The following KCNN2 variants were observed in gnomAD, a reference collection of about 807,000 sequenced individuals.
KCNN2 encodes potassium calcium-activated channel subfamily N member 2.
KCNN2 carries 24 observed loss-of-function variants against 55.5 expected under a neutral mutation model. The ratio of observed to expected loss-of-function variants is 0.43; its 90% CI spans 0.31 to 0.61. The LOEUF is 0.61. Ranked by LOEUF, KCNN2 falls within the 20% of genes least tolerant of loss-of-function variation. The pLI is 0.08. For missense variants in KCNN2, 754 were observed against 853.6 expected (o/e 0.88, Z 1.45); for synonymous variants, 431 against 336.1 (o/e 1.28, Z -3.09).
chr5:114,433,007 C>T lies in KCNN2; in HGVS notation c.1637+28151C>T, dbSNP rs188978293. ...GTGCGGCCGGAGCCTCCCTGATGAG[C>T]GCCACCCCCTGCTCCACGGTGCCCA... On this transcript the variant is annotated intron_variant, in intron 3 of 7. Coordinates refer to ENST00000673685, the MANE Select transcript of KCNN2 (RefSeq NM_021614.4). Among the ~76,000 whole-genome samples, 210 of 152,242 alleles carry T rather than the reference C, an allele frequency of 1.4e-3. 3 individuals carry two copies. Among genetic ancestry groups the T allele is most frequent in the Admixed American group, 0.012 (185 of 15,304 alleles).
chr5:114,122,779 G>C (rs1366334831), intron 1 of KCNN2, among the ~76,000 whole-genome samples: 1 of 152,226 alleles, frequency 6.6e-6, no homozygotes, highest in Non-Finnish European at 1.5e-5. Flanking sequence ...GGGATAGAGA[G>C]AGCAGGAGAC....
intron 3 of KCNN2, among the ~76,000 whole-genome samples, chr5:114,450,312 A>G (rs552973522): frequency 2.0e-5 from 3 of 152,324 alleles, no homozygotes; most frequent in East Asian, 3.9e-4. Context: ...CTGGTCGAGC[A>G]TGGCTCCATC....
intron 1 of KCNN2, among the ~76,000 whole-genome samples, chr5:114,215,901 A>G (rs1455966595): frequency 6.6e-6 from 1 of 152,180 alleles, no homozygotes; most frequent in Non-Finnish European, 1.5e-5. Flanking sequence ...AGAGATAAAT[A>G]CATTCTAGTT....
At chr5:114,145,888 G>T (rs1372330512) in intron 1 of KCNN2, among the ~76,000 whole-genome samples, 1 of 152,148 alleles carries the variant, frequency 6.6e-6, no homozygotes, top group Non-Finnish European at 1.5e-5. Flanking sequence ...TGGATTGTCT[G>T]TTGTAAAGGA....
At chr5:114,149,331 A>T (rs1752468222) in intron 1 of KCNN2, among the ~76,000 whole-genome samples, 1 of 152,124 alleles carries the variant, frequency 6.6e-6, no homozygotes. Flanking sequence ...CGAGGAACAA[A>T]GAAGGCCATA....
At chr5:114,359,029 A>C (rs1023480303), upstream of KCNN2, among the ~76,000 whole-genome samples, 1 of 152,210 alleles carries the variant, frequency 6.6e-6, no homozygotes, top group Non-Finnish European at 1.5e-5. Context: ...TCATAGTAAT[A>C]CAGGTTTACC....
chr5:114,394,020 G>A (rs1277413081), intron 2 of KCNN2, among the ~76,000 whole-genome samples: 2 of 152,090 alleles, frequency 1.3e-5, no homozygotes. Context: ...TGATATGACA[G>A]ATTTTATTCT....
At chr5:114,490,684 A>C (rs1747802424) in intron 6 of KCNN2, 1 of 398,032 alleles carries the variant, frequency 2.5e-6, no homozygotes, top group Admixed American at 4.4e-5. Context: ...CAACAAAATG[A>C]AAATAGAGCT....
At chr5:114,409,847 T>C (rs1389572558) in intron 3 of KCNN2, among the ~76,000 whole-genome samples, 2 of 152,208 alleles carry the variant, frequency 1.3e-5, no homozygotes, top group African/African-American at 4.8e-5. Context: ...CTGAAATTTT[T>C]TACCTGTAGG....
At chr5:114,131,566 A>G (rs1389530746) in intron 1 of KCNN2, among the ~76,000 whole-genome samples, 1 of 152,132 alleles carries the variant, frequency 6.6e-6, no homozygotes, top group Non-Finnish European at 1.5e-5. Flanking sequence ...TGTCTTTGCT[A>G]TTGTGAATAG....
intron 3 of KCNN2, among the ~76,000 whole-genome samples, chr5:114,426,466 GAT>G (rs1759628934): frequency 6.6e-6 from 1 of 152,062 alleles, no homozygotes; most frequent in Non-Finnish European, 1.5e-5. Context: ...TTTTTCTGAT[GAT>G]GTCTTTGATT....
At chr5:114,365,018 T>G (rs1325218764) in intron 2 of KCNN2, among the ~76,000 whole-genome samples, 3 of 152,036 alleles carry the variant, frequency 2.0e-5, no homozygotes, top group African/African-American at 4.8e-5. Flanking sequence ...AAATCTTATA[T>G]AGGATTTGCC....
intron 1 of KCNN2, among the ~76,000 whole-genome samples, chr5:114,071,518 C>G (rs1002675874): frequency 6.6e-6 from 1 of 152,150 alleles, no homozygotes; most frequent in Non-Finnish European, 1.5e-5. Flanking sequence ...AGGAAGGCAA[C>G]TACAAGGGGA....
chr5:114,292,225 G>C (rs896291095), intron 2 of KCNN2, among the ~76,000 whole-genome samples: 1 of 152,194 alleles, frequency 6.6e-6, no homozygotes, highest in African/African-American at 2.4e-5. Flanking sequence ...TTTGGCTTTC[G>C]TTGCCTTTGC....
chr5:114,123,590 C>G (rs10078035), intron 1 of KCNN2, among the ~76,000 whole-genome samples: 3,226 of 68,106 alleles, frequency 0.047, 1,035 homozygotes, highest in African/African-American at 0.25. Flanking sequence ...GTCTCGATCT[C>G]CTGACCTCGT....
chr5:114,294,098 T>C (rs1470639041), intron 2 of KCNN2, among the ~76,000 whole-genome samples: 1 of 152,180 alleles, frequency 6.6e-6, no homozygotes, highest in East Asian at 1.9e-4. Flanking sequence ...TCTTTATTAG[T>C]CTTGCTAGCG....
chr5:114,400,268 C>G (rs1758746465), intron 2 of KCNN2, among the ~76,000 whole-genome samples: 1 of 152,114 alleles, frequency 6.6e-6, no homozygotes, highest in Non-Finnish European at 1.5e-5. Context: ...AAACTTTTCT[C>G]TTAACACTGC....
chr5:114,318,925 G>A (rs1298649114), intron 2 of KCNN2, among the ~76,000 whole-genome samples: 3 of 152,082 alleles, frequency 2.0e-5, no homozygotes, highest in Non-Finnish European at 4.4e-5. Flanking sequence ...AAAAGACATT[G>A]GAGAGTGGTG....
chr5:114,159,920 G>A (rs187849640), intron 1 of KCNN2, among the ~76,000 whole-genome samples: 27 of 152,136 alleles, frequency 1.8e-4, no homozygotes, highest in African/African-American at 6.5e-4. Flanking sequence ...CTTGCTAGTG[G>A]TCTATCAATT....
Sources: allele counts gnomAD v4.1 joint callset (sites outside exome capture counted in the v4.1 genomes callset), GRCh38; gene constraint gnomAD v4.1.1; transcripts MANE v1.5; gene names NCBI Gene and HGNC (gene_info 2026-07-23, HGNC 2026-07-21).